The following F8 variants were observed in gnomAD, a reference collection of about 807,000 sequenced individuals.
F8 encodes coagulation factor VIII.
A neutral mutation model predicts 140.6 loss-of-function variants in F8; 12 were observed. That is an observed-to-expected ratio of 0.09 (90% CI 0.05 to 0.14). The LOEUF (loss-of-function observed/expected upper bound fraction) is 0.14, where lower values mean the gene tolerates loss of function less well. F8 is among the 10% of genes least tolerant of loss of function. The pLI is 1.00. For synonymous variants in F8, 585 were observed against 614.6 expected (o/e 0.95, Z 0.71); for missense variants, 1,354 against 1,720.7 (o/e 0.79, Z 3.77).
In F8 at chrX:154,901,429, G is replaced by T. The variant is rs1557275918; in HGVS notation, c.6129C>A (p.Pro2043=). The T allele has an allele frequency of 8.4e-7, 1 of 1,189,508 alleles. No individual in the cohort carries two copies. ...TAATGTGTCCAGAAGCCATTCCCAG[G>T]GGAGTCTGACACTCTGAAATGAAAC... ...FLVYSNKCQT[P]LGMASGHIRD... is the part of the protein sequence containing the mutation. Residue 2043 remains proline, a synonymous_variant, in exon 20 of 26, where the codon CCC becomes CCA. Coordinates refer to ENST00000360256, the MANE Select transcript of F8 (RefSeq NM_000132.4).
intron 13 of F8, among the ~76,000 whole-genome samples, chrX:154,942,752 G>A (rs1218805945): frequency 9.3e-6 from 1 of 107,798 alleles, no homozygotes; most frequent in African/African-American, 3.4e-5. Flanking sequence ...GATGAACATT[G>A]ATGCAAAAAT....
chrX:154,988,336 T>A (rs1315181111), intron 4 of F8, among the ~76,000 whole-genome samples: 1 of 112,199 alleles, frequency 8.9e-6, no homozygotes, highest in African/African-American at 3.2e-5. Context: ...GTGCCTTGAC[T>A]TAACCTTTCA....
Position 154,956,939 on chromosome X carries a change from G to A in F8, c.1752+18C>T. On this transcript the variant is annotated intron_variant, in intron 11 of 25. Transcript: ENST00000360256. ...ACACTGAGAATGAAACCCAGCACTT[G>A]GAAAGGCAAGAACTCACCTGGTTTC... 8.4e-7 allele frequency: 1 copy of A among 1,186,914 alleles called. No homozygotes were observed. The highest frequency in any genetic ancestry group is 1.1e-6 in the Non-Finnish European group (1 of 872,915).
At chrX:154,988,463 C>A (rs1557284424) in intron 4 of F8, among the ~76,000 whole-genome samples, 3 of 111,900 alleles carry the variant, frequency 2.7e-5, no homozygotes, top group Non-Finnish European at 3.8e-5. Context: ...CCCCAAAATT[C>A]TTTACTAACT....
chrX:155,005,682 C>G (rs1406044330), intron 1 of F8, among the ~76,000 whole-genome samples: 1 of 112,010 alleles, frequency 8.9e-6, no homozygotes, highest in Non-Finnish European at 1.9e-5. Context: ...CCAGATTCAC[C>G]GCTTCAGGAC....
intron 18 of F8, among the ~76,000 whole-genome samples, chrX:154,903,251 C>T (rs782665456): frequency 2.3e-4 from 26 of 110,767 alleles, no homozygotes; most frequent in Middle Eastern, 4.7e-3. Context: ...TCATAGCTCA[C>T]TGCAGCATCA....
chrX:154,972,913 A>G (rs1000089108), intron 6 of F8, among the ~76,000 whole-genome samples: 4 of 109,405 alleles, frequency 3.7e-5, no homozygotes, highest in Non-Finnish European at 7.6e-5. Flanking sequence ...GGGTTTCACC[A>G]TGTTGGCCAG....
chrX:154,928,194 C>T (rs1490388570), intron 14 of F8, among the ~76,000 whole-genome samples: 5 of 111,700 alleles, frequency 4.5e-5, no homozygotes, highest in Non-Finnish European at 7.5e-5. Flanking sequence ...TCCCTCTACT[C>T]ACCTAAAAAT....
Position 154,929,137 on chromosome X carries a change from C to A in F8, c.4653G>T (p.Ala1551=). Reference sequence around the variant, plus strand: ...GTCTGTTTGCTTCATTCCACTTAATCGCTCCCTCTGTTCCCTGAAGAAGGC... The same window carrying A: ...GTCTGTTTGCTTCATTCCACTTAATAGCTCCCTCTGTTCCCTGAAGAAGGC... The part of the protein sequence containing the change: ...EGSLLQGTEG[A]IKWNEANRPG... The change falls in exon 14 of 26, where the codon GCG becomes GCT. Residue 1551 remains alanine, a synonymous_variant. Transcript: ENST00000360256. The A allele has an allele frequency of 2.5e-6, 3 of 1,211,490 alleles. 1 individual carries two copies. The highest frequency in any genetic ancestry group is 3.4e-6 in the Non-Finnish European group (3 of 895,430).
At chrX:154,928,476 G>A (rs1207243058) in intron 14 of F8, 95 bp downstream of exon 14, 5 of 803,081 alleles carry the variant, frequency 6.2e-6, no homozygotes, top group Non-Finnish European at 9.3e-6. Context: ...AAGACACCTT[G>A]ATTTTTCATC....
At chrX:154,990,384 T>C (rs1421700244) in intron 4 of F8, among the ~76,000 whole-genome samples, 1 of 111,964 alleles carries the variant, frequency 8.9e-6, no homozygotes, top group Non-Finnish European at 1.9e-5. Flanking sequence ...ACAAAATACA[T>C]ACTTAACCTT....
At chrX:154,863,717 G>A (rs1557273028) in intron 22 of F8, among the ~76,000 whole-genome samples, 1 of 111,534 alleles carries the variant, frequency 9.0e-6, no homozygotes, top group East Asian at 2.8e-4. Context: ...AGGAGGTTGA[G>A]AAACCCTGGT....
intron 1 of F8, among the ~76,000 whole-genome samples, chrX:155,009,371 C>T (rs1171130755): frequency 2.2e-4 from 24 of 111,093 alleles, no homozygotes; most frequent in African/African-American, 6.9e-4. Context: ...TATCCTACCC[C>T]CTCTCTGTGC....
chrX:154,997,890 C>G (rs1246169032), intron 2 of F8, among the ~76,000 whole-genome samples: 1 of 111,667 alleles, frequency 9.0e-6, no homozygotes, highest in Non-Finnish European at 1.9e-5. Flanking sequence ...AAGAAAACTC[C>G]TATGATTTTG....
At position 155,020,400 on chromosome X, in the gene F8, G is replaced by A. The variant is rs181395270; in HGVS notation, c.143+2010C>T. 3.7e-4 allele frequency among the ~76,000 whole-genome samples: 41 copies of A among 112,195 alleles called. No individual in the cohort carries two copies. In the East Asian group the frequency reaches 6.7e-3, roughly 18 times the overall value. The stretch of plus-strand genomic sequence containing the variant: ...AATTGAAGCAATGCATATAAAAAGC[G>A]AAACAGTAAACATCTTGCAAGAAAA... On this transcript the variant is annotated intron_variant, in intron 1 of 25. Transcript: ENST00000360256.
At chrX:154,856,105 GA>G (rs1362848317) in intron 25 of F8, among the ~76,000 whole-genome samples, 1 of 112,243 alleles carries the variant, frequency 8.9e-6, no homozygotes, top group Non-Finnish European at 1.9e-5. Context: ...GAGCAAACTA[GA>G]AATTTCAGAC....
At chrX:154,854,401 C>G (rs2072636275) in intron 25 of F8, among the ~76,000 whole-genome samples, 3 of 112,271 alleles carry the variant, frequency 2.7e-5, no homozygotes, top group African/African-American at 9.7e-5. Context: ...ATTTGACTAC[C>G]TTTAAACTGG....
At chrX:154,945,572 C>G (rs2073299321) in intron 13 of F8, among the ~76,000 whole-genome samples, 1 of 111,918 alleles carries the variant, frequency 8.9e-6, no homozygotes, top group South Asian at 3.7e-4. Flanking sequence ...TCTAAACAAA[C>G]TGGGTATAGA....
intron 1 of F8, among the ~76,000 whole-genome samples, chrX:155,021,237 T>G (rs2073758888): frequency 9.0e-6 from 1 of 111,461 alleles, no homozygotes; most frequent in South Asian, 3.7e-4. Context: ...TGTATGTGTA[T>G]GTGAATATAT....
Sources: allele counts gnomAD v4.1 joint callset (sites outside exome capture counted in the v4.1 genomes callset), GRCh38; gene constraint gnomAD v4.1.1; transcripts MANE v1.5; gene names NCBI Gene and HGNC (gene_info 2026-07-23, HGNC 2026-07-21).